The following RMI1 variants were observed in gnomAD, a reference collection of about 807,000 sequenced individuals.
The protein encoded by RMI1 is recQ-mediated genome instability protein 1.
A neutral mutation model predicts 46.7 loss-of-function variants in RMI1; 36 were observed. That is an observed-to-expected ratio of 0.77 (90% confidence interval 0.59 to 1.02). The LOEUF (loss-of-function observed/expected upper bound fraction) is 1.02. Ranked by LOEUF, RMI1 falls within the 50% of genes least tolerant of loss-of-function variation. The pLI is 0.00. For synonymous variants in RMI1, 250 were observed against 252.9 expected (o/e 0.99, Z 0.11); for missense variants, 676 against 713.7 (o/e 0.95, Z 0.60).
chr9:83,997,230 G>C (rs1256484017), intron 1 of RMI1, among the ~76,000 whole-genome samples: 3 of 149,558 alleles, frequency 2.0e-5, no homozygotes, highest in African/African-American at 7.4e-5. Flanking sequence ...TCCTGCCTCA[G>C]CCTCCTGAGT....
At chr9:83,982,301 TTA>T (rs1168399790) in intron 1 of RMI1, among the ~76,000 whole-genome samples, 4 of 152,250 alleles carry the variant, frequency 2.6e-5, no homozygotes, top group Admixed American at 6.5e-5. Context: ...AAATTAGGAT[TTA>T]TGTTGCAGTC....
intron 1 of RMI1, among the ~76,000 whole-genome samples, chr9:83,986,411 A>G (rs1957491449): frequency 1.3e-5 from 2 of 152,152 alleles, no homozygotes; most frequent in South Asian, 4.1e-4. Flanking sequence ...TTTATAGATG[A>G]ATTGAGGGAC....
chr9:83,986,703 G>A (rs73471381), intron 1 of RMI1, among the ~76,000 whole-genome samples: 5,108 of 152,152 alleles, frequency 0.034, 265 homozygotes, highest in African/African-American at 0.11. Context: ...TTTATTTTCA[G>A]CAAAGTCTTC....
At chr9:83,985,289 CTG>C (rs1957473369) in intron 1 of RMI1, among the ~76,000 whole-genome samples, 1 of 152,168 alleles carries the variant, frequency 6.6e-6, no homozygotes, top group Admixed American at 6.5e-5. Context: ...GGAATTATAT[CTG>C]TATCCTAGAT....
intron 1 of RMI1, among the ~76,000 whole-genome samples, chr9:83,994,309 C>T (rs938134978): frequency 4.6e-5 from 7 of 151,936 alleles, no homozygotes; most frequent in African/African-American, 1.7e-4. Flanking sequence ...TGATGTAGTC[C>T]CATTTGTCTA....
chr9:83,994,837 A>G (rs995319901), intron 1 of RMI1, among the ~76,000 whole-genome samples: 5 of 151,958 alleles, frequency 3.3e-5, no homozygotes, highest in African/African-American at 1.2e-4. Flanking sequence ...TTGTTATCTT[A>G]TATTTTACAT....
At position 83,991,957 on chromosome 9, in the gene RMI1, C is replaced by G. The variant is rs78281427; in HGVS notation, c.-125-7752C>G. Among the ~76,000 whole-genome samples the G allele has an allele frequency of 3.6e-3, 541 of 152,236 alleles. 2 individuals are homozygous for G. Among genetic ancestry groups the G allele is most frequent in the African/African-American group, 0.012 (505 of 41,546 alleles). ...TTTTTCTTTTTCAAAATTGTCTTGG[C>G]AATTCTAGTTCCTTTGCCGTTCCAT... is the stretch of plus-strand genomic sequence containing the variant. On this transcript the variant is annotated intron_variant, in intron 1 of 2. Coordinates refer to ENST00000445877, the MANE Select transcript of RMI1 (RefSeq NM_001358291.2).
chr9:84,002,832 C>A lies in RMI1; in HGVS notation c.1846C>A (p.Leu616Ile). The change falls in exon 3 of 3, where the codon CTT becomes ATT. Residue 616 changes from leucine (L) to isoleucine (I), a missense_variant. Physicochemically the swap from Leu to Ile is conservative, Grantham distance 5. Transcript: ENST00000445877. ...ATTACAAGATGTTAATATGGAACAC[C>A]TTGAGAATCTAAAGAAGCGGTTAAA... ...LALQDVNMEHLENLKKRLNK is the reference protein window; with the variant it reads ...LALQDVNMEHIENLKKRLNK 6.4e-7 allele frequency: 1 copy of A among 1,559,988 alleles called. No individual in the cohort carries two copies. The highest frequency in any genetic ancestry group is 1.2e-5 in the South Asian group (1 of 84,732).
intron 1 of RMI1, among the ~76,000 whole-genome samples, chr9:83,983,978 AC>A (rs1422078307): frequency 1.3e-5 from 2 of 151,960 alleles, no homozygotes; most frequent in Non-Finnish European, 2.9e-5. Flanking sequence ...TATGTATTTA[AC>A]TTTTTTTCCC....
chr9:83,982,612 G>A (rs189809565), intron 1 of RMI1, among the ~76,000 whole-genome samples: 5 of 152,142 alleles, frequency 3.3e-5, no homozygotes, highest in African/African-American at 1.2e-4. Context: ...ATCTTGCAGT[G>A]AGCCGAGATC....
rs546875996 is a variant in RMI1 at position 84,001,014 on chromosome 9, G to A, written c.28G>A (p.Ala10Thr). Residue 10 changes from alanine (A) to threonine (T), a missense_variant, in exon 3 of 3, where the codon GCT (alanine) becomes ACT (threonine). Ala to Thr is a moderately conservative substitution (Grantham distance 58). Transcript: ENST00000445877. MNVTSIALRAETWLLAAWHV... is the reference protein window; with the variant it reads MNVTSIALRTETWLLAAWHV... ...GAATGTGACTAGTATTGCATTAAGA[G>A]CTGAAACTTGGCTTTTAGCTGCATG... The A allele has an allele frequency of 1.2e-6, 2 of 1,612,016 alleles. No individual in the cohort carries two copies. The highest frequency in any genetic ancestry group is 8.5e-7 in the Non-Finnish European group (1 of 1,179,028).
At chr9:83,994,103 A>T (rs1372101806) in intron 1 of RMI1, among the ~76,000 whole-genome samples, 1 of 152,024 alleles carries the variant, frequency 6.6e-6, no homozygotes, top group Non-Finnish European at 1.5e-5. Context: ...TCTTTGGAGA[A>T]ATGTCTATTC....
chr9:83,984,921 T>C (rs1957469210), intron 1 of RMI1, among the ~76,000 whole-genome samples: 1 of 152,228 alleles, frequency 6.6e-6, no homozygotes, highest in Admixed American at 6.5e-5. Context: ...ATTATTTTCT[T>C]GGACAGTGGA....
rs1438439118 is a variant in RMI1 at position 83,991,906 on chromosome 9, T to C, written c.-125-7803T>C. Among the ~76,000 whole-genome samples the C allele has an allele frequency of 2.0e-5, 3 of 152,322 alleles. No homozygotes were observed. The East Asian group carries it at 5.8e-4, about 29-fold the overall frequency. ...GTAGTTTTATATGAAGTGTCGATGT[T>C]ATATAGTGTGAATCCTCCAACTTTG... On this transcript the variant is annotated intron_variant, in intron 1 of 2. Coordinates refer to ENST00000445877, the MANE Select transcript of RMI1 (RefSeq NM_001358291.2).
chr9:84,002,567 T>G lies in RMI1; in HGVS notation c.1581T>G (p.Ile527Met), dbSNP rs767727335. The change falls in exon 3 of 3, where the codon ATT (isoleucine) becomes ATG (methionine). Residue 527 changes from isoleucine to methionine, a missense_variant. Physicochemically the swap from Ile to Met is conservative, Grantham distance 10. Coordinates refer to ENST00000445877, the MANE Select transcript of RMI1 (RefSeq NM_001358291.2). ...GAAATCTCTCAAGTTCTGGTGGTAT[T>G]TGGAGTATAACTGCAAAGGTGTCTG... The part of the protein sequence containing the change: ...LTGNLSSSGG[I>M]WSITAKVSDG... 16 of 1,613,880 alleles carry G rather than the reference T, an allele frequency of 9.9e-6. No homozygotes were observed. Among genetic ancestry groups the G allele is most frequent in the Admixed American group, 3.3e-5 (2 of 60,004 alleles).
Position 84,002,167 on chromosome 9 carries a change from T to C in RMI1, c.1181T>C (p.Val394Ala). ...NEDKSFGCPS[V>A]RDQNRSIFSV... ...GACAAATCATTTGGTTGTCCATCTG[T>C]TAGAGACCAAAACAGGAGTATTTTT... The change falls in exon 3 of 3, where the codon GTT becomes GCT. Residue 394 changes from valine (V) to alanine (A), a missense_variant. Coordinates refer to ENST00000445877, the MANE Select transcript of RMI1 (RefSeq NM_001358291.2). 6.2e-7 allele frequency: 1 copy of C among 1,613,742 alleles called. No homozygotes were observed. The highest frequency in any genetic ancestry group is 8.5e-7 in the Non-Finnish European group (1 of 1,179,864).
At chr9:83,986,150 G>A (rs1179403705) in intron 1 of RMI1, among the ~76,000 whole-genome samples, 1 of 152,220 alleles carries the variant, frequency 6.6e-6, no homozygotes, top group South Asian at 2.1e-4. Context: ...TGCTATGTTA[G>A]TAGGGTTATA....
At chr9:83,997,798 A>AT (rs200236865) in intron 1 of RMI1, among the ~76,000 whole-genome samples, 5,389 of 145,066 alleles carry the variant, frequency 0.037, 287 homozygotes, top group African/African-American at 0.12. Context: ...GATAGGGAGT[A>AT]TTTTTTTTTT....
In RMI1 at chr9:84,002,708, C is replaced by T; in HGVS notation, c.1722C>T (p.Phe574=). Residue 574 remains phenylalanine, a synonymous_variant, in exon 3 of 3, where the codon TTC becomes TTT. Coordinates refer to ENST00000445877, the MANE Select transcript of RMI1 (RefSeq NM_001358291.2). ...SKKDPLQYQK[F]LEGLQKCQRD... is the part of the protein sequence containing the mutation. ...AGGATCCTCTTCAATACCAAAAGTT[C>T]CTGGAAGGGTTGCAGAAATGTCAAA... The T allele has an allele frequency of 6.2e-7, 1 of 1,613,878 alleles. No individual in the cohort carries two copies. Among genetic ancestry groups the T allele is most frequent in the Non-Finnish European group, 8.5e-7 (1 of 1,179,922 alleles).
Sources: allele counts gnomAD v4.1 joint callset (sites outside exome capture counted in the v4.1 genomes callset), GRCh38; gene constraint gnomAD v4.1.1; transcripts MANE v1.5; gene names NCBI Gene and HGNC (gene_info 2026-07-23, HGNC 2026-07-21).